Variants in KLF12 observed in about 807,000 individuals in gnomAD.
KLF12 encodes KLF transcription factor 12, also known as Krueppel-like factor 12.
KLF12 carries 9 observed loss-of-function variants against 37.8 expected under a neutral mutation model. The observed-to-expected ratio is 0.24, with a 90% CI of 0.14 to 0.42. The LOEUF is 0.42. Ranked by LOEUF, KLF12 falls within the 10% of genes least tolerant of loss-of-function variation. The pLI is 1.00. For missense variants in KLF12, 411 were observed against 516.0 expected (o/e 0.80, Z 1.97); for synonymous variants, 208 against 202.1 (o/e 1.03, Z -0.25).
chr13:73,986,505 C>T (rs901152409), intron 2 of KLF12, among the ~76,000 whole-genome samples: 2 of 152,166 alleles, frequency 1.3e-5, no homozygotes, highest in African/African-American at 2.4e-5. Flanking sequence ...CAGTCACTTA[C>T]GTTTTTGAAA....
chr13:73,839,527 C>T (rs1383159954), intron 4 of KLF12, among the ~76,000 whole-genome samples: 1 of 152,102 alleles, frequency 6.6e-6, no homozygotes, highest in Admixed American at 6.5e-5. Context: ...AGTTATCCTG[C>T]ACATTCCACT....
At chr13:73,752,842 A>AG (rs1437806667) in intron 6 of KLF12, among the ~76,000 whole-genome samples, 2 of 151,044 alleles carry the variant, frequency 1.3e-5, no homozygotes, top group Non-Finnish European at 3.0e-5. Flanking sequence ...TCAGCCTCCT[A>AG]GGTAGCTGGG....
chr13:73,739,164 G>A (rs945062468), intron 6 of KLF12, among the ~76,000 whole-genome samples: 1 of 151,806 alleles, frequency 6.6e-6, no homozygotes, highest in Admixed American at 6.6e-5. Context: ...AACCCACGAG[G>A]TGGAGGCTAC....
At chr13:74,145,982 G>A in the KLF12 span, among the ~76,000 whole-genome samples, 1 of 152,064 alleles carries the variant, frequency 6.6e-6, no homozygotes, top group East Asian at 1.9e-4. Context: ...TCTAAAAGAA[G>A]GTTTTATTTT....
At chr13:73,963,534 C>T (rs1189568677) in intron 2 of KLF12, among the ~76,000 whole-genome samples, 1 of 152,072 alleles carries the variant, frequency 6.6e-6, no homozygotes, top group Non-Finnish European at 1.5e-5. Context: ...TTACTACTTC[C>T]AACAATTAGG....
At chr13:73,854,231 T>C (rs548386402) in intron 3 of KLF12, among the ~76,000 whole-genome samples, 1 of 152,218 alleles carries the variant, frequency 6.6e-6, no homozygotes, top group African/African-American at 2.4e-5. Context: ...AGGGGATAAA[T>C]CTTTATCCTA....
the KLF12 span, among the ~76,000 whole-genome samples, chr13:74,229,706 G>A: frequency 1.3e-5 from 2 of 152,012 alleles, no homozygotes; most frequent in East Asian, 3.8e-4. Flanking sequence ...GGTACTGTGG[G>A]GCAGCCCAGG....
rs569190676 is a variant in KLF12 at position 74,121,720 on chromosome 13, C to G, written c.-32+12019G>C. On this transcript the variant is annotated intron_variant, in intron 1 of 7. Transcript: ENST00000377669. ...ACAGGGTTTTTGAATTTTTTTATCCCAGGAGAGGTGTGATGATGGATAAAA... is the reference window on the plus strand; with the variant it reads ...ACAGGGTTTTTGAATTTTTTTATCCGAGGAGAGGTGTGATGATGGATAAAA... Among the ~76,000 whole-genome samples the G allele has an allele frequency of 9.3e-4, 141 of 151,820 alleles. 1 individual carries two copies. Among genetic ancestry groups the G allele is most frequent in the Admixed American group, 1.7e-3 (26 of 15,264 alleles).
intron 3 of KLF12, among the ~76,000 whole-genome samples, chr13:73,850,664 C>T (rs1314308621): frequency 6.6e-6 from 1 of 152,222 alleles, no homozygotes; most frequent in Non-Finnish European, 1.5e-5. Context: ...TTCACATGCT[C>T]TTTCCTCTTT....
At chr13:73,845,210 T>G (rs1884949965) in intron 4 of KLF12, 1 of 152,134 alleles carries the variant, frequency 6.6e-6, no homozygotes. Context: ...GTATATTGAG[T>G]CATCCTGTCC....
At chr13:74,016,717 T>C (rs901363972) in intron 1 of KLF12, among the ~76,000 whole-genome samples, 14 of 152,032 alleles carry the variant, frequency 9.2e-5, no homozygotes, top group African/African-American at 2.9e-4. Flanking sequence ...GCAAACTGTT[T>C]GGCAGTGTCT....
chr13:74,213,151 T>C, the KLF12 span, among the ~76,000 whole-genome samples: 1 of 152,214 alleles, frequency 6.6e-6, no homozygotes, highest in Non-Finnish European at 1.5e-5. Flanking sequence ...TATATTACTT[T>C]TTAGTAGTAT....
the KLF12 span, among the ~76,000 whole-genome samples, chr13:74,301,129 C>G: frequency 6.6e-6 from 1 of 152,106 alleles, no homozygotes. Context: ...ACTCACCTAC[C>G]TTTTATTTTA....
At chr13:73,907,415 T>C (rs1022543688) in intron 3 of KLF12, among the ~76,000 whole-genome samples, 2 of 152,334 alleles carry the variant, frequency 1.3e-5, no homozygotes, top group African/African-American at 2.4e-5. Flanking sequence ...GCTCTACTGA[T>C]CTAAATTCTG....
At chr13:74,189,261 A>T in the KLF12 span, among the ~76,000 whole-genome samples, 11 of 152,204 alleles carry the variant, frequency 7.2e-5, no homozygotes, top group Admixed American at 2.0e-4. Flanking sequence ...AGACAATGGT[A>T]GACTCATAAG....
intron 5 of KLF12, among the ~76,000 whole-genome samples, chr13:73,778,141 AAAT>A (rs1305585358): frequency 5.9e-5 from 5 of 84,390 alleles, no homozygotes; most frequent in Non-Finnish European, 1.1e-4. Context: ...TCCAAAAAAA[AAAT>A]AAAAAAAGAA....
chr13:73,813,729 A>G (rs1374735386), intron 4 of KLF12, among the ~76,000 whole-genome samples: 1 of 152,218 alleles, frequency 6.6e-6, no homozygotes, highest in African/African-American at 2.4e-5. Flanking sequence ...TATAGCTCTC[A>G]TAATAAGTTA....
the KLF12 span, among the ~76,000 whole-genome samples, chr13:74,195,633 C>A: frequency 6.6e-6 from 1 of 152,146 alleles, no homozygotes; most frequent in Non-Finnish European, 1.5e-5. Flanking sequence ...GGTTCTCACT[C>A]TGTTGCCCAG....
the KLF12 span, among the ~76,000 whole-genome samples, chr13:74,287,882 G>A: frequency 6.6e-6 from 1 of 152,138 alleles, no homozygotes. Flanking sequence ...TTTATTCACT[G>A]CTCATCCAGC....
Sources: allele counts gnomAD v4.1 joint callset (sites outside exome capture counted in the v4.1 genomes callset), GRCh38; gene constraint gnomAD v4.1.1; transcripts MANE v1.5; gene names NCBI Gene and HGNC (gene_info 2026-07-23, HGNC 2026-07-21).